Variants in MCC observed in about 807,000 individuals in gnomAD.
MCC encodes the protein MCC regulator of Wnt signaling pathway, also known as colorectal mutant cancer protein.
In MCC, 90 loss-of-function variants were observed where a neutral mutation model predicts 116.2. The ratio of observed to expected loss-of-function variants is 0.77; its 90% CI spans 0.65 to 0.92. MCC has a LOEUF of 0.92. Among genes scored for constraint, MCC ranks in the 40% least tolerant of loss-of-function variants. The pLI is 0.00. For missense variants in MCC, 1,516 were observed against 1,312.2 expected, an observed-to-expected ratio of 1.16 and a Z score of -2.40; for synonymous variants, 578 against 510.5, an observed-to-expected ratio of 1.13 and a Z score of -1.78.
At chr5:113,082,809 A>C (rs768606254) in intron 11 of MCC, 51 bp downstream of exon 11, 2 of 1,595,598 alleles carry the variant, frequency 1.3e-6, no homozygotes, top group South Asian at 2.3e-5. Flanking sequence ...AGAAGTGAGG[A>C]GTAGCACCTC....
intron 3 of MCC, among the ~76,000 whole-genome samples, chr5:113,295,197 GA>G (rs901812818): frequency 2.0e-5 from 3 of 150,222 alleles, no homozygotes; most frequent in Non-Finnish European, 3.0e-5. Context: ...AAAAGAAAAA[GA>G]AAAAAAACTT....
At chr5:113,116,087 C>T (rs538532862) in intron 6 of MCC, among the ~76,000 whole-genome samples, 84 of 152,158 alleles carry the variant, frequency 5.5e-4, no homozygotes, top group Non-Finnish European at 1.1e-3. Context: ...TTTCTTAGTG[C>T]CTGGGTCACC....
intron 3 of MCC, among the ~76,000 whole-genome samples, chr5:113,189,368 G>T (rs935163): frequency 0.7 from 105,947 of 152,132 alleles, 38,127 homozygotes; most frequent in Admixed American, 0.82. Context: ...CAATTTTACA[G>T]TTAAACAGAA....
At chr5:113,397,000 T>C (rs546604834) in intron 1 of MCC, among the ~76,000 whole-genome samples, 19 of 152,230 alleles carry the variant, frequency 1.2e-4, no homozygotes, top group Non-Finnish European at 2.5e-4. Flanking sequence ...CAATTGAAAA[T>C]GGAGTTTTAA....
chr5:113,212,743 A>G (rs1356709775), intron 3 of MCC, among the ~76,000 whole-genome samples: 2 of 152,210 alleles, frequency 1.3e-5, no homozygotes, highest in Non-Finnish European at 2.9e-5. Flanking sequence ...AACACTGGGT[A>G]AGACTCAGTT....
At chr5:113,049,732 T>TC (rs1369476205) in intron 15 of MCC, among the ~76,000 whole-genome samples, 5 of 152,196 alleles carry the variant, frequency 3.3e-5, no homozygotes, top group Non-Finnish European at 7.4e-5. Flanking sequence ...CCCTTCCAAT[T>TC]CCCATTTTGG....
intron 16 of MCC, 59 bp from the exon 17 acceptor site, chr5:113,043,689 G>T: frequency 7.7e-7 from 1 of 1,296,518 alleles, no homozygotes; most frequent in Non-Finnish European, 1.1e-6. Flanking sequence ...CACCCTGGAA[G>T]CCTGCAGCAG....
At chr5:113,179,959 C>A (rs1198597917) in intron 3 of MCC, among the ~76,000 whole-genome samples, 2 of 152,182 alleles carry the variant, frequency 1.3e-5, no homozygotes, top group African/African-American at 4.8e-5. Context: ...ATACCTACAT[C>A]TTGGTTCTGA....
At chr5:113,159,839 T>C (rs920788057) in intron 3 of MCC, among the ~76,000 whole-genome samples, 1 of 152,216 alleles carries the variant, frequency 6.6e-6, no homozygotes, top group Non-Finnish European at 1.5e-5. Flanking sequence ...TTTCAAGAAA[T>C]GCTGCTCATA....
chr5:113,104,470 G>T, intron 6 of MCC, 115 bp from the exon 7 acceptor site: 1 of 866,464 alleles, frequency 1.2e-6, no homozygotes, highest in Non-Finnish European at 1.7e-6. Flanking sequence ...ACATTTCAAA[G>T]TTCAACACCA....
At position 113,412,445 on chromosome 5, in the gene MCC, C is replaced by T. The variant is rs191126971; in HGVS notation, c.171-27233G>A. ...CATTTGTTTGTGTCCTCCTTTATTT[C>T]GTTGAGCATGGTTTGTAGTTCTCCT... On this transcript the variant is annotated intron_variant, in intron 1 of 18. Transcript: ENST00000408903. Among the ~76,000 whole-genome samples the T allele has an allele frequency of 4.0e-3, 604 of 152,298 alleles. 6 individuals are homozygous for T. Among genetic ancestry groups the T allele is most frequent in the African/African-American group, 0.014 (574 of 41,570 alleles).
chr5:113,412,015 T>G (rs1486225435), intron 1 of MCC, among the ~76,000 whole-genome samples: 1 of 152,252 alleles, frequency 6.6e-6, no homozygotes, highest in Non-Finnish European at 1.5e-5. Context: ...CCAGCACCAT[T>G]CATTAAATAC....
At chr5:113,340,350 C>G (rs953838456) in intron 3 of MCC, among the ~76,000 whole-genome samples, 169 bp downstream of exon 3, 1 of 152,174 alleles carries the variant, frequency 6.6e-6, no homozygotes, top group Non-Finnish European at 1.5e-5. Context: ...TCCCTAAGTG[C>G]TGGCAACTTT....
rs77109998 is a variant in MCC at position 113,431,246 on chromosome 5, T to C, written c.171-46034A>G. ...AACCAGATTAGTTGCATATGGTAGG[T>C]GTATTAGTTTGCTAGGGCTGCTATG... On this transcript the variant is annotated intron_variant, in intron 1 of 18. Coordinates refer to ENST00000408903, the MANE Select transcript of MCC (RefSeq NM_001085377.2). 3.0e-3 allele frequency among the ~76,000 whole-genome samples: 463 copies of C among 152,180 alleles called. 9 individuals carry two copies. Among genetic ancestry groups the C allele is most frequent in the African/African-American group, 0.011 (440 of 41,510 alleles).
At chr5:113,086,970 T>A (rs1172991308) in intron 8 of MCC, among the ~76,000 whole-genome samples, 1 of 152,166 alleles carries the variant, frequency 6.6e-6, no homozygotes, top group Non-Finnish European at 1.5e-5. Context: ...ATGCTGCCGG[T>A]CGGGGACCAT....
chr5:113,302,432 T>C (rs916812162), intron 3 of MCC, among the ~76,000 whole-genome samples: 4 of 152,212 alleles, frequency 2.6e-5, no homozygotes, highest in Non-Finnish European at 5.9e-5. Context: ...GTTGAGATCC[T>C]GATTCAAACA....
At chr5:113,032,176 C>T (rs1274203696) in intron 17 of MCC, among the ~76,000 whole-genome samples, 11 of 152,258 alleles carry the variant, frequency 7.2e-5, no homozygotes, top group African/African-American at 1.7e-4. Flanking sequence ...TTTGGTAGGC[C>T]GGGGCTGGCG....
intron 1 of MCC, among the ~76,000 whole-genome samples, chr5:113,389,165 C>T (rs185614742): frequency 1.9e-3 from 286 of 152,308 alleles, no homozygotes; most frequent in Non-Finnish European, 3.4e-3. Flanking sequence ...TAAAAGCTCT[C>T]CTTTATATCA....
rs748723080 is a variant in MCC at position 113,434,669 on chromosome 5, A to T, written c.171-49457T>A. 52 of 1,613,706 alleles carry T rather than the reference A, an allele frequency of 3.2e-5. No homozygotes were observed. The highest frequency in any genetic ancestry group is 2.8e-5 in the Non-Finnish European group (33 of 1,179,854). On this transcript the variant is annotated intron_variant, in intron 1 of 18. Coordinates refer to ENST00000408903, the MANE Select transcript of MCC (RefSeq NM_001085377.2). The surrounding 1 kb of genome is among the most constrained non-coding windows in gnomAD (Gnocchi z 4.2). ...TGGCCAGAATCTCAATTTCCCGGGGAAGGAATTTCTCCAAGAAGTCTGCGG... is the reference window on the plus strand; with the variant it reads ...TGGCCAGAATCTCAATTTCCCGGGGTAGGAATTTCTCCAAGAAGTCTGCGG...
Sources: gnomAD v4.1 joint callset for allele counts (sites outside exome capture counted in the v4.1 genomes callset) on GRCh38, gnomAD v4.1.1 for gene constraint, Gnocchi (gnomAD v3.1) non-coding constraint, MANE v1.5 for transcripts, NCBI Gene and HGNC (gene_info 2026-07-23, HGNC 2026-07-21) for gene names.